Variants in ERMP1 observed in about 807,000 individuals in gnomAD.
ERMP1 encodes the protein endoplasmic reticulum metallopeptidase 1, also known as Felix-ina.
In ERMP1, 86 loss-of-function variants were observed where a neutral mutation model predicts 92.0. The observed-to-expected ratio is 0.93, with a 90% CI of 0.79 to 1.12. The LOEUF is 1.12. Among genes scored for constraint, ERMP1 ranks in the 50% most tolerant of loss-of-function variants. The probability of loss-of-function intolerance (pLI) is 0.00; values close to 1 mark genes in which losing one functional copy is unlikely to be tolerated. For synonymous variants in ERMP1, 530 were observed against 412.8 expected (o/e 1.28, Z -3.44); for missense variants, 1,342 against 1,116.3 (o/e 1.20, Z -2.88).
intron 4 of ERMP1, among the ~76,000 whole-genome samples, chr9:5,818,755 G>C (rs1332369356): frequency 2.0e-5 from 3 of 151,786 alleles, no homozygotes; most frequent in Non-Finnish European, 4.4e-5. Context: ...AGATGACTTA[G>C]ATTTATGTCA....
intron 11 of ERMP1, among the ~76,000 whole-genome samples, chr9:5,800,072 G>C (rs982684673): frequency 2.6e-5 from 4 of 152,136 alleles, no homozygotes; most frequent in African/African-American, 9.6e-5. Context: ...TTTCTGTTTG[G>C]CTAGATTAGG....
At chr9:5,806,620 GGCA>G (rs1238880197) in intron 8 of ERMP1, among the ~76,000 whole-genome samples, 1 of 148,956 alleles carries the variant, frequency 6.7e-6, no homozygotes, top group Non-Finnish European at 1.5e-5. Flanking sequence ...TTTTTTTTTT[GGCA>G]GAGACAGGGT....
intron 5 of ERMP1, among the ~76,000 whole-genome samples, chr9:5,861,199 G>GTGTGTGTGTGTGTGTGTA (rs1830483626): frequency 7.5e-5 from 11 of 146,658 alleles, no homozygotes; most frequent in African/African-American, 2.9e-4. Context: ...GTGTGTGTGT[G>GTGTGTGTGTGTGTGTGTA]TGTGTGTGTG....
chr9:5,814,579 C>A (rs1829230876), intron 4 of ERMP1, among the ~76,000 whole-genome samples: 1 of 151,950 alleles, frequency 6.6e-6, no homozygotes, highest in Admixed American at 6.6e-5. Flanking sequence ...CCCACCTCTA[C>A]TAAAAATACA....
intron 6 of ERMP1, among the ~76,000 whole-genome samples, chr9:5,857,166 C>G (rs1830385469): frequency 6.6e-6 from 1 of 152,118 alleles, no homozygotes; most frequent in Non-Finnish European, 1.5e-5. Flanking sequence ...GGACTACAGA[C>G]CTGTGCAATC....
intron 4 of ERMP1, among the ~76,000 whole-genome samples, chr9:5,822,513 T>C (rs1044072762): frequency 2.0e-5 from 3 of 152,170 alleles, no homozygotes; most frequent in Non-Finnish European, 2.9e-5. Flanking sequence ...AAATATAGTA[T>C]TGTTTAGGTT....
At position 5,810,110 on chromosome 9, in the gene ERMP1, T is replaced by C. The variant is rs1380288786; in HGVS notation, c.1449A>G (p.Ser483=). The C allele has an allele frequency of 2.5e-6, 4 of 1,613,708 alleles. No homozygotes were observed. The highest frequency in any genetic ancestry group is 3.4e-6 in the Non-Finnish European group (4 of 1,179,744). ...CGGAGACATAGAAGTGGTTATACCATGAGAGAGACTGTCCAATAAGAGAGA... is the reference window on the plus strand; with the variant it reads ...CGGAGACATAGAAGTGGTTATACCACGAGAGAGACTGTCCAATAAGAGAGA... ...VFISLIGQSL[S]WYNHFYVSVC... is the part of the protein sequence containing the mutation. Residue 483 remains serine, a synonymous_variant, in exon 8 of 15, where the codon TCA becomes TCG. Transcript: ENST00000339450.
intron 10 of ERMP1, among the ~76,000 whole-genome samples, chr9:5,802,570 C>T (rs750091357): frequency 6.6e-6 from 1 of 152,070 alleles, no homozygotes; most frequent in Non-Finnish European, 1.5e-5. Flanking sequence ...GTTTTTAGTA[C>T]AGACAGGGTT....
rs1829332492 is a variant in ERMP1 at position 5,816,940 on chromosome 9, C to T, written c.875-3905G>A. On this transcript the variant is annotated intron_variant, in intron 4 of 14. Transcript: ENST00000339450. The stretch of plus-strand genomic sequence containing the variant: ...TGGTGACAGAGTCTCGCTCTGTCTC[C>T]CAGGCTGGAGTACAGCACCTCAATC... Among the ~76,000 whole-genome samples the T allele has an allele frequency of 2.0e-5, 3 of 151,104 alleles. No individual in the cohort carries two copies. In the South Asian group the frequency reaches 6.3e-4, roughly 32 times the overall value.
At chr9:5,844,499 C>G (rs1830209968) in intron 6 of ERMP1, among the ~76,000 whole-genome samples, 1 of 152,152 alleles carries the variant, frequency 6.6e-6, no homozygotes, top group Non-Finnish European at 1.5e-5. Context: ...GTCTCAAACC[C>G]CTAGGCTCAA....
intron 4 of ERMP1, among the ~76,000 whole-genome samples, chr9:5,820,476 T>C (rs1261916242): frequency 1.3e-5 from 2 of 152,334 alleles, no homozygotes; most frequent in East Asian, 3.9e-4. Context: ...GGGGCATGAA[T>C]ATTTTCCCAA....
At chr9:5,823,175 C>T (rs1388084073) in intron 4 of ERMP1, among the ~76,000 whole-genome samples, 1 of 152,006 alleles carries the variant, frequency 6.6e-6, no homozygotes, top group Middle Eastern at 3.2e-3. Flanking sequence ...GTCCCAGCAA[C>T]TCAGGAAACT....
At chr9:5,796,395 T>TA (rs1159382874) in intron 13 of ERMP1, among the ~76,000 whole-genome samples, 2 of 152,218 alleles carry the variant, frequency 1.3e-5, no homozygotes, top group Admixed American at 6.5e-5. Flanking sequence ...CTTACAAAGC[T>TA]AAACATAGGC....
Position 5,813,005 on chromosome 9 carries a change from T to G in ERMP1, c.905A>C (p.Tyr302Ser). ...AAAAGGGTGTTTAGCTGCTGAAACA[T>G]AAGCTTGAACCAACCAAGGATTTTC... ...GPENPWLVQA[Y>S]VSAAKHPFAS... The change falls in exon 5 of 15, where the codon TAT becomes TCT. Residue 302 changes from tyrosine to serine, a missense_variant. Transcript: ENST00000339450. 6.2e-7 allele frequency: 1 copy of G among 1,614,018 alleles called. No individual in the cohort carries two copies. Among genetic ancestry groups the G allele is most frequent in the South Asian group, 1.1e-5 (1 of 91,072 alleles).
intron 4 of ERMP1, among the ~76,000 whole-genome samples, chr9:5,822,319 A>G (rs146970281): frequency 2.0e-5 from 3 of 152,164 alleles, no homozygotes; most frequent in African/African-American, 2.4e-5. Flanking sequence ...ACTCTTGTAG[A>G]TATTAGATCC....
At chr9:5,829,342 A>T (rs1829852927) in intron 2 of ERMP1, among the ~76,000 whole-genome samples, 1 of 152,168 alleles carries the variant, frequency 6.6e-6, no homozygotes, top group East Asian at 1.9e-4. Flanking sequence ...TTCTAAACGC[A>T]ATTGTCAAGC....
chr9:5,838,862 AGAAAG>A (rs762012369), intron 6 of ERMP1, among the ~76,000 whole-genome samples: 9 of 152,248 alleles, frequency 5.9e-5, no homozygotes, highest in Non-Finnish European at 1.2e-4. Flanking sequence ...AGTAAATAAA[AGAAAG>A]GAAAGAACAC....
chr9:5,838,414 G>A (rs1830118781), intron 6 of ERMP1, among the ~76,000 whole-genome samples: 1 of 152,018 alleles, frequency 6.6e-6, no homozygotes, highest in Non-Finnish European at 1.5e-5. Flanking sequence ...GTGTGGTGGT[G>A]CATGTCTATA....
intron 5 of ERMP1, 46 bp downstream of exon 5, chr9:5,812,843 T>G (rs1829152729): frequency 3.7e-6 from 6 of 1,611,048 alleles, no homozygotes; most frequent in Non-Finnish European, 5.1e-6. Context: ...AATTTGCTTT[T>G]GATAAATAAA....
Sources: allele counts gnomAD v4.1 joint callset (sites outside exome capture counted in the v4.1 genomes callset), GRCh38; gene constraint gnomAD v4.1.1; transcripts MANE v1.5; gene names NCBI Gene and HGNC (gene_info 2026-07-23, HGNC 2026-07-21).